Variants in XPR1 observed in about 807,000 individuals in gnomAD.
XPR1 encodes solute carrier family 53 member 1.
In XPR1, 28 loss-of-function variants were observed where a neutral mutation model predicts 87.5. The ratio of observed to expected loss-of-function variants is 0.32; its 90% CI spans 0.24 to 0.44. XPR1 has a LOEUF of 0.44. Ranked by LOEUF, XPR1 falls within the 20% of genes least tolerant of loss-of-function variation. XPR1 has a pLI of 1.00. For synonymous variants in XPR1, 300 were observed against 306.1 expected (o/e 0.98, Z 0.21); for missense variants, 559 against 862.3 (o/e 0.65, Z 4.41).
rs1273704129 is a variant in XPR1 at position 180,682,340 on chromosome 1, T to G, written c.70-20T>G. The G allele has an allele frequency of 1.3e-6, 2 of 1,566,724 alleles. No homozygotes were observed. Among genetic ancestry groups the G allele is most frequent in the Admixed American group, 3.6e-5 (2 of 55,038 alleles). ...AGCTTACTCATGATTTCATATATTG[T>G]TTTTCTTTCTTTCTAATAGGCTTTC... On this transcript the variant is annotated intron_variant, in intron 1 of 14. Coordinates refer to ENST00000367590, the MANE Select transcript of XPR1 (RefSeq NM_004736.4).
intron 2 of XPR1, among the ~76,000 whole-genome samples, chr1:180,762,465 C>T (rs1289244717): frequency 6.6e-6 from 1 of 152,050 alleles, no homozygotes; most frequent in African/African-American, 2.4e-5. Flanking sequence ...TAAGAGTGGA[C>T]CCATCAGCAT....
intron 2 of XPR1, among the ~76,000 whole-genome samples, chr1:180,714,015 G>A (rs1657896474): frequency 7.7e-6 from 1 of 129,934 alleles, no homozygotes; most frequent in South Asian, 2.8e-4. Flanking sequence ...CTTTCTTCAT[G>A]GGAAGATTTT....
At chr1:180,720,419 G>A (rs6659262) in intron 2 of XPR1, among the ~76,000 whole-genome samples, 2,550 of 152,194 alleles carry the variant, frequency 0.017, 78 homozygotes, top group African/African-American at 0.056. Flanking sequence ...AAGACTTGAG[G>A]AAATAGGTCA....
At chr1:180,878,463 T>C (rs1332975817) in intron 13 of XPR1, among the ~76,000 whole-genome samples, 1 of 152,204 alleles carries the variant, frequency 6.6e-6, no homozygotes, top group East Asian at 1.9e-4. Flanking sequence ...CTTTTGTTAA[T>C]AATCTATAAT....
chr1:180,721,676 C>G (rs1384233152), intron 2 of XPR1, among the ~76,000 whole-genome samples: 1 of 152,158 alleles, frequency 6.6e-6, no homozygotes, highest in African/African-American at 2.4e-5. Flanking sequence ...TTCCTTTCAC[C>G]TCTGCCACCC....
At chr1:180,659,282 T>C (rs911033533) in intron 1 of XPR1, among the ~76,000 whole-genome samples, 2 of 119,752 alleles carry the variant, frequency 1.7e-5, no homozygotes, top group African/African-American at 3.2e-5. Context: ...CCCTCCCTTC[T>C]TTCCCATCAG....
At chr1:180,688,281 G>A (rs1482372776) in intron 2 of XPR1, among the ~76,000 whole-genome samples, 1 of 150,976 alleles carries the variant, frequency 6.6e-6, no homozygotes, top group Non-Finnish European at 1.5e-5. Flanking sequence ...AACATGGCCA[G>A]TTTTGCCATG....
At chr1:180,706,721 C>T (rs1164892863) in intron 2 of XPR1, among the ~76,000 whole-genome samples, 2 of 152,040 alleles carry the variant, frequency 1.3e-5, no homozygotes, top group Non-Finnish European at 2.9e-5. Context: ...AAGCAATTCT[C>T]CTGCCTCAGC....
chr1:180,795,441 G>C (rs996761157), intron 3 of XPR1, among the ~76,000 whole-genome samples: 1 of 152,070 alleles, frequency 6.6e-6, no homozygotes, highest in Non-Finnish European at 1.5e-5. Flanking sequence ...CTCATATTCA[G>C]GTCACTTGAT....
At chr1:180,713,947 G>A (rs1178208219) in intron 2 of XPR1, among the ~76,000 whole-genome samples, 4 of 151,964 alleles carry the variant, frequency 2.6e-5, no homozygotes, top group Admixed American at 1.3e-4. Context: ...TATATATCTG[G>A]TATTATTCTT....
chr1:180,819,569 A>G (rs139553084), intron 7 of XPR1, among the ~76,000 whole-genome samples: 5 of 152,302 alleles, frequency 3.3e-5, no homozygotes, highest in African/African-American at 9.6e-5. Context: ...CCTATGTAGG[A>G]CAGAATACTA....
chr1:180,669,405 T>C (rs1445079799), intron 1 of XPR1, among the ~76,000 whole-genome samples: 11 of 152,180 alleles, frequency 7.2e-5, no homozygotes, highest in African/African-American at 2.4e-4. Context: ...TTTGTAGAGA[T>C]GGAGTCTCGC....
intron 13 of XPR1, among the ~76,000 whole-genome samples, chr1:180,875,800 T>C (rs1452656493): frequency 6.6e-6 from 1 of 151,996 alleles, no homozygotes; most frequent in Non-Finnish European, 1.5e-5. Flanking sequence ...AAATGCCAAA[T>C]ACTGTTGATA....
At chr1:180,759,872 A>G (rs1320433579) in intron 2 of XPR1, among the ~76,000 whole-genome samples, 1 of 152,198 alleles carries the variant, frequency 6.6e-6, no homozygotes, top group East Asian at 1.9e-4. Flanking sequence ...TCAATAAAAT[A>G]CTGACAAACC....
chr1:180,680,332 T>G (rs75357273), intron 1 of XPR1, among the ~76,000 whole-genome samples: 3,506 of 148,484 alleles, frequency 0.024, 145 homozygotes, highest in African/African-American at 0.081. Flanking sequence ...AGTATGGAGA[T>G]TCCTCAAATA....
chr1:180,748,334 G>A lies in XPR1; in HGVS notation c.122-39419G>A, dbSNP rs549788192. ...TATAATTAAATAGGTTATATTAAAAGCAAAGTCAATAAATGCTCAAAACTC... is the reference window on the plus strand; with the variant it reads ...TATAATTAAATAGGTTATATTAAAAACAAAGTCAATAAATGCTCAAAACTC... On this transcript the variant is annotated intron_variant, in intron 2 of 14. Transcript: ENST00000367590. 7.0e-5 allele frequency among the ~76,000 whole-genome samples: 10 copies of A among 141,956 alleles called. No individual in the cohort carries two copies. In the East Asian group the frequency reaches 2.3e-3, roughly 33 times the overall value. 93.1% of individuals were successfully genotyped at this position (141,956 alleles called of 152,430 possible).
chr1:180,796,594 G>A (rs934440582), intron 3 of XPR1, among the ~76,000 whole-genome samples: 4 of 152,136 alleles, frequency 2.6e-5, no homozygotes, highest in African/African-American at 4.8e-5. Context: ...CATGGATTGA[G>A]TATACTGTAT....
At chr1:180,843,737 C>G (rs1651591555) in intron 11 of XPR1, among the ~76,000 whole-genome samples, 1 of 150,894 alleles carries the variant, frequency 6.6e-6, no homozygotes, top group Non-Finnish European at 1.5e-5. Context: ...CACCCAATAC[C>G]ATTTTGGTAG....
At chr1:180,762,612 T>A (rs537379279) in intron 2 of XPR1, among the ~76,000 whole-genome samples, 1 of 152,290 alleles carries the variant, frequency 6.6e-6, no homozygotes, top group East Asian at 1.9e-4. Context: ...TAAAGATTTG[T>A]GGTGAATGAG....
Sources: gnomAD v4.1 joint callset for allele counts (sites outside exome capture counted in the v4.1 genomes callset) on GRCh38, gnomAD v4.1.1 for gene constraint, MANE v1.5 for transcripts, NCBI Gene and HGNC (gene_info 2026-07-23, HGNC 2026-07-21) for gene names.